LRP1B: variants seen among roughly 807,000 people sequenced by gnomAD.
The protein encoded by LRP1B is LDL receptor related protein 1B.
In LRP1B, 217 loss-of-function variants were observed where a neutral mutation model predicts 556.6. The observed-to-expected ratio is 0.39, with a 90% CI of 0.35 to 0.44. LRP1B has a LOEUF of 0.44. LRP1B is among the 20% of genes least tolerant of loss of function. LRP1B has a pLI of 1.00. For synonymous variants in LRP1B, 2,047 were observed against 1,865.8 expected, an observed-to-expected ratio of 1.10 and a Z score of -2.50; for missense variants, 5,053 against 5,620.8, an observed-to-expected ratio of 0.90 and a Z score of 3.23.
chr2:141,070,512 A>C (rs187291839), intron 7 of LRP1B, among the ~76,000 whole-genome samples: 1 of 152,100 alleles, frequency 6.6e-6, no homozygotes, highest in African/African-American at 2.4e-5. Flanking sequence ...ATCAGAACAG[A>C]ACTGAAGGAA....
At chr2:141,790,909 T>C (rs952333729) in intron 2 of LRP1B, among the ~76,000 whole-genome samples, 5 of 152,000 alleles carry the variant, frequency 3.3e-5, no homozygotes, top group South Asian at 2.1e-4. Flanking sequence ...AGGCTACTAA[T>C]GTTATATGCA....
intron 9 of LRP1B, among the ~76,000 whole-genome samples, chr2:141,055,759 T>A (rs1387187404): frequency 1.3e-5 from 2 of 151,634 alleles, no homozygotes; most frequent in Non-Finnish European, 2.9e-5. Flanking sequence ...AAATATTTTT[T>A]AAATTTTTAA....
At chr2:141,325,262 T>C (rs1687391646) in intron 3 of LRP1B, among the ~76,000 whole-genome samples, 1 of 152,042 alleles carries the variant, frequency 6.6e-6, no homozygotes, top group African/African-American at 2.4e-5. Flanking sequence ...CAGATATCAC[T>C]TGGAAGATGG....
intron 2 of LRP1B, among the ~76,000 whole-genome samples, chr2:141,737,106 C>A (rs1291483647): frequency 6.6e-6 from 1 of 152,172 alleles, no homozygotes; most frequent in African/African-American, 2.4e-5. Flanking sequence ...GTAATCCCAA[C>A]ACTTTGGGAG....
intron 2 of LRP1B, among the ~76,000 whole-genome samples, chr2:141,553,905 T>C (rs1039103435): frequency 2.9e-5 from 4 of 137,474 alleles, no homozygotes; most frequent in Non-Finnish European, 6.1e-5. Flanking sequence ...TATATTAATA[T>C]AGTTATATAA....
chr2:141,244,457 G>T (rs1370845774), intron 5 of LRP1B, among the ~76,000 whole-genome samples: 1 of 151,436 alleles, frequency 6.6e-6, no homozygotes, highest in Non-Finnish European at 1.5e-5. Flanking sequence ...GAATTGTAAG[G>T]AAAAGAAGAG....
chr2:141,545,053 T>C (rs527342628), intron 2 of LRP1B, among the ~76,000 whole-genome samples: 2 of 152,320 alleles, frequency 1.3e-5, no homozygotes, highest in South Asian at 2.1e-4. Flanking sequence ...TAGTATCCTC[T>C]TTCTACAAGT....
chr2:140,370,379 A>G (rs747664800), intron 71 of LRP1B, among the ~76,000 whole-genome samples: 1 of 151,980 alleles, frequency 6.6e-6, no homozygotes. Context: ...AATTCAAGAT[A>G]TACTTTTGTA....
chr2:141,392,249 T>C (rs548431444), intron 3 of LRP1B, among the ~76,000 whole-genome samples: 13 of 152,178 alleles, frequency 8.5e-5, no homozygotes, highest in African/African-American at 2.9e-4. Flanking sequence ...ATACTCCCCA[T>C]GTAATTTTAG....
chr2:141,110,244 A>C (rs1170503547), intron 7 of LRP1B, among the ~76,000 whole-genome samples: 1 of 151,464 alleles, frequency 6.6e-6, no homozygotes, highest in East Asian at 1.9e-4. Flanking sequence ...AAAGGATATA[A>C]ATTTAATTTT....
intron 43 of LRP1B, among the ~76,000 whole-genome samples, chr2:140,562,645 C>T (rs187928522): frequency 6.6e-6 from 1 of 151,976 alleles, no homozygotes; most frequent in Non-Finnish European, 1.5e-5. Flanking sequence ...TTTTGAGACA[C>T]AGTCTTGCTC....
At chr2:141,421,918 T>C (rs1391322276) in intron 3 of LRP1B, among the ~76,000 whole-genome samples, 1 of 152,214 alleles carries the variant, frequency 6.6e-6, no homozygotes, top group Non-Finnish European at 1.5e-5. Context: ...TCTTTCATCT[T>C]TGAGTCTCTC....
chr2:140,971,030 C>CA (rs1238677857), intron 18 of LRP1B, among the ~76,000 whole-genome samples: 1 of 152,112 alleles, frequency 6.6e-6, no homozygotes, highest in East Asian at 1.9e-4. Flanking sequence ...AGGCATGAGC[C>CA]ACCGTGCTCA....
intron 1 of LRP1B, among the ~76,000 whole-genome samples, chr2:142,062,474 T>A (rs1328112246): frequency 1.1e-4 from 16 of 151,844 alleles, no homozygotes; most frequent in Non-Finnish European, 2.1e-4. Context: ...TGAATGGGCT[T>A]ACTTCAACTA....
intron 7 of LRP1B, among the ~76,000 whole-genome samples, chr2:141,133,304 TCC>T (rs1558883118): frequency 9.8e-5 from 14 of 142,828 alleles, no homozygotes; most frequent in African/African-American, 1.3e-4. Context: ...TTTTTTTTTT[TCC>T]ACAATACTGT....
intron 55 of LRP1B, among the ~76,000 whole-genome samples, chr2:140,498,585 G>A (rs975431235): frequency 6.6e-6 from 1 of 151,726 alleles, no homozygotes; most frequent in African/African-American, 2.4e-5. Flanking sequence ...GCAGAATTTA[G>A]AGGACGATTT....
intron 2 of LRP1B, among the ~76,000 whole-genome samples, chr2:141,688,322 A>C (rs1691387620): frequency 6.6e-6 from 1 of 151,896 alleles, no homozygotes; most frequent in African/African-American, 2.4e-5. Flanking sequence ...AATATATGCC[A>C]AACACTGGTC....
intron 32 of LRP1B, among the ~76,000 whole-genome samples, chr2:140,778,205 A>T (rs79411583): frequency 0.03 from 4,535 of 152,262 alleles, 214 homozygotes; most frequent in African/African-American, 0.1. Flanking sequence ...CTTGAACTGC[A>T]AAAAGAATTA....
chr2:141,365,796 C>T (rs902348838), intron 3 of LRP1B, among the ~76,000 whole-genome samples: 2 of 150,588 alleles, frequency 1.3e-5, no homozygotes, highest in African/African-American at 4.9e-5. Flanking sequence ...CCTCAGCCTC[C>T]TGAGTAGCTG....
Sources: allele counts gnomAD v4.1 joint callset (sites outside exome capture counted in the v4.1 genomes callset), GRCh38; gene constraint gnomAD v4.1.1; transcripts MANE v1.5; gene names NCBI Gene and HGNC (gene_info 2026-07-23, HGNC 2026-07-21).